PLEKHG2: variants seen among roughly 807,000 people sequenced by gnomAD.
PLEKHG2 encodes pleckstrin homology domain-containing family G member 2.
A neutral mutation model predicts 104.4 loss-of-function variants in PLEKHG2; 71 were observed. The ratio of observed to expected loss-of-function variants is 0.68; its 90% CI spans 0.56 to 0.83. The LOEUF (loss-of-function observed/expected upper bound fraction) is 0.83. Ranked by LOEUF, PLEKHG2 falls within the 40% of genes least tolerant of loss-of-function variation. PLEKHG2 has a pLI of 0.00. For missense variants in PLEKHG2, 1,730 were observed against 1,809.4 expected (o/e 0.96, Z 0.80); for synonymous variants, 728 against 737.0 (o/e 0.99, Z 0.20).
In PLEKHG2 at chr19:39,413,929, G is replaced by T. The variant is rs970813886; in HGVS notation, c.-22-136G>T. On this transcript the variant is annotated intron_variant, in intron 1 of 18. Coordinates refer to ENST00000425673, the MANE Select transcript of PLEKHG2 (RefSeq NM_022835.3). The surrounding 1 kb of genome is among the most constrained non-coding windows in gnomAD (Gnocchi z 4.5). ...TGTCCCCTTCTTTCTGTCACTTTGT[G>T]CCTCCCCCATTAGTTACTCCCAGGG... 1.8e-6 allele frequency: 1 copy of T among 566,666 alleles called. No homozygotes were observed. The highest frequency in any genetic ancestry group is 3.0e-5 in the Admixed American group (1 of 32,884). 35.1% of individuals were successfully genotyped at this position (566,666 alleles called of 1,614,324 possible). A position where few individuals can be genotyped will look rare whatever the true frequency, so the allele number is the denominator to read the frequency against.
chr19:39,423,500 C>T lies in PLEKHG2; in HGVS notation c.2446C>T (p.Arg816Ter). The change falls in exon 18 of 19, where the codon CGA becomes TGA. Residue 816 changes from arginine to a stop codon, truncating the protein, a stop_gained. Transcript: ENST00000425673. LOFTEE classifies it high-confidence loss of function. Reference protein sequence around the residue: ...GAPSSERTASRVRELARLYSE... With the variant: ...GAPSSERTAS ...CCCGAGTTCAGAAAGGACGGCGTCC[C>T]GAGTGCGAGAGCTGGCCCGGCTTTA... 2 of 1,582,894 alleles carry T rather than the reference C, an allele frequency of 1.3e-6. No homozygotes were observed. Among genetic ancestry groups the T allele is most frequent in the Admixed American group, 1.8e-5 (1 of 56,516 alleles).
Position 39,425,276 on chromosome 19 carries a change from T to A in PLEKHG2, c.4143T>A (p.Asp1381Glu), listed in dbSNP as rs1289891243. The A allele has an allele frequency of 1.9e-6, 3 of 1,611,954 alleles. No homozygotes were observed. Among genetic ancestry groups the A allele is most frequent in the African/African-American group, 2.7e-5 (2 of 74,826 alleles). The change falls in exon 19 of 19, where the codon GAT (aspartate) becomes GAA (glutamate). Residue 1381 changes from aspartate (D) to glutamate (E), a missense_variant. Transcript: ENST00000425673. ...MGLHRAQGAP[D>E]APFHM ...TTCACAGGGCCCAGGGGGCTCCTGATGCCCCCTTCCACATGTGAGCCAGGA... is the reference window on the plus strand; with the variant it reads ...TTCACAGGGCCCAGGGGGCTCCTGAAGCCCCCTTCCACATGTGAGCCAGGA...
At position 39,421,101 on chromosome 19, in the gene PLEKHG2, T is replaced by G. The variant is rs1374761312; in HGVS notation, c.1474T>G (p.Phe492Val). 1 of 1,614,088 alleles carries G rather than the reference T, an allele frequency of 6.2e-7. No individual in the cohort carries two copies. Among genetic ancestry groups the G allele is most frequent in the Admixed American group, 1.7e-5 (1 of 60,030 alleles). ...GCCGGTGAAGGACCCTTATGTCATG[T>G]TCCCACAGAACGGTCAGTGACTGCC... ...SEPVKDPYVMFPQNAKPGFKH... is the reference protein window; with the variant it reads ...SEPVKDPYVMVPQNAKPGFKH... The change falls in exon 15 of 19, where the codon TTC (phenylalanine) becomes GTC (valine). Residue 492 changes from phenylalanine (F) to valine (V), a missense_variant. Physicochemically the swap from Phe to Val is conservative, Grantham distance 50. Coordinates refer to ENST00000425673, the MANE Select transcript of PLEKHG2 (RefSeq NM_022835.3).
intron 16 of PLEKHG2, 48 bp from the exon 17 acceptor site, chr19:39,422,067 G>C (rs1280116747): frequency 6.4e-7 from 1 of 1,551,454 alleles, no homozygotes; most frequent in African/African-American, 1.4e-5. Context: ...TCCTCTATGT[G>C]AGGGAGGAGT....
chr19:39,422,063 A>T, intron 16 of PLEKHG2, 52 bp from the exon 17 acceptor site: 2 of 1,540,548 alleles, frequency 1.3e-6, no homozygotes, highest in Non-Finnish European at 1.8e-6. Context: ...GGGGTCCTCT[A>T]TGTGAGGGAG....
At position 39,422,308 on chromosome 19, in the gene PLEKHG2, A is replaced by G. The variant is rs2078711561; in HGVS notation, c.1677+20A>G. 2 of 1,604,766 alleles carry G rather than the reference A, an allele frequency of 1.2e-6. No individual in the cohort carries two copies. The highest frequency in any genetic ancestry group is 1.7e-6 in the Non-Finnish European group (2 of 1,175,584). On this transcript the variant is annotated intron_variant, in intron 17 of 18. Transcript: ENST00000425673. ...CCAGGGGTGAGCTGGCTGTCCCATC[A>G]TGGTGTCCTTGGGCCTCTGGGTGTG... is the stretch of plus-strand genomic sequence containing the variant.
Position 39,417,560 on chromosome 19 carries a change from A to G in PLEKHG2, c.750A>G (p.Leu250=). The G allele has an allele frequency of 6.2e-7, 1 of 1,613,846 alleles. No individual in the cohort carries two copies. Among genetic ancestry groups the G allele is most frequent in the African/African-American group, 1.3e-5 (1 of 74,992 alleles). The change falls in exon 8 of 19, where the codon CTA becomes CTG. Residue 250 remains leucine, a synonymous_variant. Coordinates refer to ENST00000425673, the MANE Select transcript of PLEKHG2 (RefSeq NM_022835.3). ...ILKYHLLLQE[L]GKHWAEGPGT... ...GCCTGGTGGCTGCCTGACAGGAACTAGGGAAGCACTGGGCGGAGGGCCCAG... is the reference window on the plus strand; with the variant it reads ...GCCTGGTGGCTGCCTGACAGGAACTGGGGAAGCACTGGGCGGAGGGCCCAG...
Position 39,424,564 on chromosome 19 carries a change from C to T in PLEKHG2, c.3431C>T (p.Thr1144Ile). The T allele has an allele frequency of 6.2e-7, 1 of 1,614,186 alleles. No homozygotes were observed. The highest frequency in any genetic ancestry group is 8.5e-7 in the Non-Finnish European group (1 of 1,180,042). Residue 1144 changes from threonine (T) to isoleucine (I), a missense_variant, in exon 19 of 19, where the codon ACA becomes ATA. Coordinates refer to ENST00000425673, the MANE Select transcript of PLEKHG2 (RefSeq NM_022835.3). ...ELPDTQVPAT[T>I]PLPLPQVLTD... ...CCAGACACTCAGGTTCCAGCTACCA[C>T]ACCTTTGCCCCTGCCACAAGTCCTC...
In PLEKHG2 at chr19:39,422,855, G is replaced by T; in HGVS notation, c.1801G>T (p.Gly601Trp). 6.4e-7 allele frequency: 1 copy of T among 1,571,134 alleles called. No homozygotes were observed. Among genetic ancestry groups the T allele is most frequent in the Non-Finnish European group, 8.6e-7 (1 of 1,156,830 alleles). Residue 601 changes from glycine (G) to tryptophan (W), a missense_variant, in exon 18 of 19, where the codon GGG becomes TGG. Transcript: ENST00000425673. The part of the protein sequence containing the change: ...SSEEEEEEEE[G>W]LEMDERGPSP... ...AGAAGAGGAGGAGGAGGAAGAGGAA[G>T]GGCTGGAGATGGATGAACGGGGGCC...
rs766541856 is a variant in PLEKHG2, at chr19:39,425,332, C to A, written c.*38C>A. ...GGCTTCCCTGAAGCAAGGATTTCAGCCAGATGCCATAGACCCTCAGAACTT... is the reference window on the plus strand; with the variant it reads ...GGCTTCCCTGAAGCAAGGATTTCAGACAGATGCCATAGACCCTCAGAACTT... On this transcript the variant is annotated 3_prime_UTR_variant, in exon 19 of 19. Transcript: ENST00000425673. 1 of 1,581,876 alleles carries A rather than the reference C, an allele frequency of 6.3e-7. No homozygotes were observed. The highest frequency in any genetic ancestry group is 2.2e-5 in the East Asian group (1 of 44,532).
At chr19:39,419,440 T>C (rs954906722) in intron 11 of PLEKHG2, among the ~76,000 whole-genome samples, 11 of 152,054 alleles carry the variant, frequency 7.2e-5, no homozygotes, top group African/African-American at 1.7e-4. Context: ...CTAAAAAACA[T>C]TTTTTAATTA....
intron 7 of PLEKHG2, 140 bp downstream of exon 7, chr19:39,417,140 C>A: frequency 1.0e-6 from 1 of 998,026 alleles, no homozygotes; most frequent in Non-Finnish European, 1.4e-6. Context: ...TGAGCCACCG[C>A]GCACAGCCCT....
chr19:39,414,761 A>T lies in PLEKHG2; in HGVS notation c.110-231A>T, dbSNP rs187464493. 1.4e-4 allele frequency among the ~76,000 whole-genome samples: 21 copies of T among 152,300 alleles called. No homozygotes were observed. The East Asian group carries it at 3.9e-3, about 28-fold the overall frequency. On this transcript the variant is annotated intron_variant, in intron 2 of 18. Coordinates refer to ENST00000425673, the MANE Select transcript of PLEKHG2 (RefSeq NM_022835.3). The stretch of plus-strand genomic sequence containing the variant: ...CAGATAGACAAATTAATAAATGTCT[A>T]CCTAGCTGATTCATGGAGGTGGATT...
rs116515848 is a variant in PLEKHG2, at chr19:39,422,873, C to A, written c.1819C>A (p.Arg607=). 4.2e-5 allele frequency: 66 copies of A among 1,582,168 alleles called. No homozygotes were observed. The highest frequency in any genetic ancestry group is 3.7e-4 in the African/African-American group (28 of 74,678). The change falls in exon 18 of 19, where the codon CGG becomes AGG. Residue 607 remains arginine, a synonymous_variant. Transcript: ENST00000425673. ...EEEEGLEMDE[R]GPSPLHVLEG... ...AGAGGAAGGGCTGGAGATGGATGAA[C>A]GGGGGCCTTCCCCACTCCACGTCCT...
chr19:39,413,876 C>A lies in PLEKHG2; in HGVS notation c.-22-189C>A, dbSNP rs1244175622. 1 of 472,626 alleles carries A rather than the reference C, an allele frequency of 2.1e-6. No homozygotes were observed. The highest frequency in any genetic ancestry group is 3.4e-5 in the Admixed American group (1 of 29,416). 29.3% of individuals were successfully genotyped at this position (472,626 alleles called of 1,614,324 possible). On this transcript the variant is annotated intron_variant, in intron 1 of 18. Transcript: ENST00000425673. The surrounding 1 kb of genome is among the most constrained non-coding windows in gnomAD (Gnocchi z 4.5). ...CTCACTCTTCTTTGTCTCAGCCTTT[C>A]CATCTTTTTCGCCAGGTTCTCTCTC...
rs1251548390 is a variant in PLEKHG2 at position 39,417,206 on chromosome 19, A to G, written c.744+206A>G. 6.3e-5 allele frequency among the ~76,000 whole-genome samples: 9 copies of G among 143,760 alleles called. No individual in the cohort carries two copies. In the East Asian group the frequency reaches 1.6e-3, roughly 25 times the overall value. The allele number at this position is 143,760 out of a possible 152,430, so 94.3% of individuals were successfully genotyped here. A position where few individuals can be genotyped will look rare whatever the true frequency, so the allele number is the denominator to read the frequency against. ...TCACTCTTGTCGATGAGGCTGGAGT[A>G]CAGTGGTGCGATCTTGGCTCACTGC... On this transcript the variant is annotated intron_variant, in intron 7 of 18. Transcript: ENST00000425673.
In PLEKHG2 at chr19:39,424,774, T is replaced by C. The variant is rs1480199495; in HGVS notation, c.3641T>C (p.Leu1214Ser). Residue 1214 changes from leucine to serine, a missense_variant, in exon 19 of 19, where the codon TTA (leucine) becomes TCA (serine). Physicochemically the swap from Leu to Ser is moderately radical, Grantham distance 145. Coordinates refer to ENST00000425673, the MANE Select transcript of PLEKHG2 (RefSeq NM_022835.3). ...IDAHVPAATP[L>S]PERGGSLDIQ... The stretch of plus-strand genomic sequence containing the variant: ...GCCCATGTTCCAGCTGCCACACCTT[T>C]ACCTGAGAGAGGAGGCTCTCTAGAC... 6.2e-7 allele frequency: 1 copy of C among 1,614,162 alleles called. No individual in the cohort carries two copies. Among genetic ancestry groups the C allele is most frequent in the African/African-American group, 1.3e-5 (1 of 75,042 alleles).
At chr19:39,419,087 G>A (rs1369566823) in intron 11 of PLEKHG2, 84 bp downstream of exon 11, 23 of 1,253,476 alleles carry the variant, frequency 1.8e-5, no homozygotes, top group Non-Finnish European at 1.9e-5. Context: ...CCTGCCCAAT[G>A]CCAGAGCAGT....
At position 39,416,741 on chromosome 19, in the gene PLEKHG2, C is replaced by T; in HGVS notation, c.594-109C>T. 1 of 1,471,526 alleles carries T rather than the reference C, an allele frequency of 6.8e-7. No individual in the cohort carries two copies. Among genetic ancestry groups the T allele is most frequent in the Non-Finnish European group, 9.3e-7 (1 of 1,075,416 alleles). The allele number at this position is 1,471,526 out of a possible 1,614,324, so 91.2% of individuals were successfully genotyped here. A position where few individuals can be genotyped will look rare whatever the true frequency, so the allele number is the denominator to read the frequency against. ...AGTAACTGACCTCTCCCTCACTGCC[C>T]CGCCCCCTGTCAGACCCTGACCCTT... On this transcript the variant is annotated intron_variant, in intron 6 of 18. Transcript: ENST00000425673. The surrounding 1 kb of genome is among the most constrained non-coding windows in gnomAD (Gnocchi z 4.5).
Sources: gnomAD v4.1 joint callset for allele counts (sites outside exome capture counted in the v4.1 genomes callset) on GRCh38, gnomAD v4.1.1 for gene constraint, Gnocchi (gnomAD v3.1) non-coding constraint, MANE v1.5 for transcripts, NCBI Gene and HGNC (gene_info 2026-07-23, HGNC 2026-07-21) for gene names.